The following DYNC1I1 variants were observed in gnomAD, a reference collection of about 807,000 sequenced individuals.
DYNC1I1 encodes the protein cytoplasmic dynein 1 intermediate chain 1.
A neutral mutation model predicts 86.6 loss-of-function variants in DYNC1I1; 43 were observed. That is an observed-to-expected ratio of 0.50 (90% CI 0.39 to 0.64). DYNC1I1 has a LOEUF of 0.64. DYNC1I1 is among the 30% of genes least tolerant of loss of function. The pLI, the probability that DYNC1I1 is intolerant of heterozygous loss-of-function variation, is 0.00. For synonymous variants in DYNC1I1, 262 were observed against 283.7 expected (o/e 0.92, Z 0.77); for missense variants, 604 against 788.8 (o/e 0.77, Z 2.81).
chr7:95,865,906 A>G (rs73228436), intron 5 of DYNC1I1, among the ~76,000 whole-genome samples: 2 of 152,298 alleles, frequency 1.3e-5, no homozygotes, highest in African/African-American at 2.4e-5. Context: ...GAAGCCACAC[A>G]TGACTGTACA....
intron 11 of DYNC1I1, among the ~76,000 whole-genome samples, chr7:96,032,037 A>G (rs1411722411): frequency 2.0e-5 from 3 of 152,188 alleles, no homozygotes; most frequent in African/African-American, 7.2e-5. Flanking sequence ...TGCAAACGGT[A>G]TTTTGAAAAA....
At chr7:95,876,220 G>A (rs1372242929) in intron 6 of DYNC1I1, among the ~76,000 whole-genome samples, 2 of 152,126 alleles carry the variant, frequency 1.3e-5, no homozygotes, top group African/African-American at 4.8e-5. Context: ...TGAAAATCCA[G>A]ATATATCTGA....
chr7:95,838,983 C>A (rs1789197537), intron 5 of DYNC1I1, among the ~76,000 whole-genome samples: 1 of 152,142 alleles, frequency 6.6e-6, no homozygotes, highest in Admixed American at 6.5e-5. Flanking sequence ...ATTTATCTGG[C>A]TAAGACTTCC....
intron 5 of DYNC1I1, among the ~76,000 whole-genome samples, chr7:95,858,595 G>A (rs1789787903): frequency 8.0e-5 from 12 of 149,110 alleles, no homozygotes; most frequent in Admixed American, 8.0e-4. Flanking sequence ...AACACCAATA[G>A]CACCACAAAC....
chr7:95,951,973 G>A (rs1333178721), intron 6 of DYNC1I1, among the ~76,000 whole-genome samples: 1 of 152,122 alleles, frequency 6.6e-6, no homozygotes, highest in Non-Finnish European at 1.5e-5. Context: ...ATTATTTGCA[G>A]ATGAAAAGAA....
chr7:96,000,903 G>A (rs1043804837), intron 10 of DYNC1I1, among the ~76,000 whole-genome samples: 9 of 152,172 alleles, frequency 5.9e-5, no homozygotes, highest in African/African-American at 1.9e-4. Context: ...TGGAGTATGC[G>A]AGGGACCAAG....
intron 16 of DYNC1I1, among the ~76,000 whole-genome samples, chr7:96,093,889 G>A (rs956930058): frequency 2.0e-5 from 3 of 152,002 alleles, no homozygotes; most frequent in African/African-American, 7.2e-5. Flanking sequence ...ATTATTCTCA[G>A]AGAAAAAATC....
At chr7:96,029,978 TTTGTTG>T (rs555898210) in intron 11 of DYNC1I1, among the ~76,000 whole-genome samples, 9 of 151,808 alleles carry the variant, frequency 5.9e-5, no homozygotes, top group African/African-American at 9.7e-5. Flanking sequence ...CTTTTGCTGT[TTTGTTG>T]TTGTTGTTGT....
At chr7:95,996,552 G>A (rs191711711) in intron 10 of DYNC1I1, among the ~76,000 whole-genome samples, 5 of 152,260 alleles carry the variant, frequency 3.3e-5, no homozygotes, top group East Asian at 1.9e-4. Context: ...CTTACCACTC[G>A]TATTTCTTGA....
chr7:95,981,654 TAA>T (rs1439190306), intron 7 of DYNC1I1, among the ~76,000 whole-genome samples: 3 of 152,092 alleles, frequency 2.0e-5, no homozygotes, highest in African/African-American at 4.8e-5. Flanking sequence ...AAGAGCTCTT[TAA>T]ATGCACAAAG....
rs111443251 is a variant in DYNC1I1 at position 95,966,524 on chromosome 7, A to G, written c.491-10988A>G. Among the ~76,000 whole-genome samples, 1,119 of 152,252 alleles carry G rather than the reference A, an allele frequency of 7.3e-3. 11 individuals are homozygous for G. The highest frequency in any genetic ancestry group is 0.026 in the African/African-American group (1,068 of 41,554). Reference sequence around the variant, plus strand: ...AGATTACAGTTCCCCTTTTCTCTTCATACTGTTCGGTACTGTTTAGCTGTA... The same window carrying G: ...AGATTACAGTTCCCCTTTTCTCTTCGTACTGTTCGGTACTGTTTAGCTGTA... On this transcript the variant is annotated intron_variant, in intron 6 of 16. Transcript: ENST00000447467.
At chr7:95,953,237 A>G (rs1183505475) in intron 6 of DYNC1I1, among the ~76,000 whole-genome samples, 1 of 151,690 alleles carries the variant, frequency 6.6e-6, no homozygotes, top group Non-Finnish European at 1.5e-5. Context: ...CAACTGTAGC[A>G]TCTTTTGGAA....
At chr7:95,892,036 C>T (rs958546804) in intron 6 of DYNC1I1, among the ~76,000 whole-genome samples, 1 of 152,038 alleles carries the variant, frequency 6.6e-6, no homozygotes, top group Non-Finnish European at 1.5e-5. Context: ...AGCATCATTT[C>T]GGCTCATTGC....
At chr7:95,789,065 T>A (rs939603629) in intron 1 of DYNC1I1, among the ~76,000 whole-genome samples, 4 of 152,196 alleles carry the variant, frequency 2.6e-5, no homozygotes, top group East Asian at 3.8e-4. Flanking sequence ...CTACATTTTT[T>A]AAAAAGTCTT....
At chr7:96,030,005 G>T (rs1052132324) in intron 11 of DYNC1I1, among the ~76,000 whole-genome samples, 8 of 151,412 alleles carry the variant, frequency 5.3e-5, no homozygotes, top group South Asian at 2.1e-4. Flanking sequence ...TGTTGTTTTG[G>T]TTTTTTTCAG....
intron 16 of DYNC1I1, among the ~76,000 whole-genome samples, chr7:96,105,624 T>G (rs1189573798): frequency 6.6e-6 from 1 of 152,190 alleles, no homozygotes; most frequent in Non-Finnish European, 1.5e-5. Context: ...TCTATTGTAA[T>G]GTCTTTGTCA....
rs147883249 is a variant in DYNC1I1 at position 95,912,417 on chromosome 7, C to T, written c.490+42419C>T. ...AGTTTATCTGGCTTGTTCTGTTCTC[C>T]GTGGTATGAGGACATTTGCCTTTGA... On this transcript the variant is annotated intron_variant, in intron 6 of 16. Transcript: ENST00000447467. 2.0e-3 allele frequency among the ~76,000 whole-genome samples: 310 copies of T among 152,236 alleles called. 2 individuals carry two copies. The highest frequency in any genetic ancestry group is 0.013 in the South Asian group (64 of 4,820).
chr7:96,035,788 T>C (rs753049297), intron 13 of DYNC1I1, 36 bp downstream of exon 13: 1 of 1,603,478 alleles, frequency 6.2e-7, no homozygotes, highest in South Asian at 1.1e-5. Context: ...GACATGTTCT[T>C]CATTTCCGAA....
intron 6 of DYNC1I1, among the ~76,000 whole-genome samples, chr7:95,905,635 G>C (rs1791156483): frequency 6.6e-6 from 1 of 152,064 alleles, no homozygotes; most frequent in Non-Finnish European, 1.5e-5. Flanking sequence ...ATGTTCGCCA[G>C]GGGGTTTGTC....
Sources: gnomAD v4.1 joint callset for allele counts (sites outside exome capture counted in the v4.1 genomes callset) on GRCh38, gnomAD v4.1.1 for gene constraint, MANE v1.5 for transcripts, NCBI Gene and HGNC (gene_info 2026-07-23, HGNC 2026-07-21) for gene names.